RGPD2: variants seen among roughly 807,000 people sequenced by gnomAD.
RGPD2 encodes the protein RANBP2 like and GRIP domain containing 2, also known as RANBP2-like and GRIP domain-containing protein 2.
In RGPD2, 2 loss-of-function variants were observed where a neutral mutation model predicts 36.0. The ratio of observed to expected loss-of-function variants is 0.06; its 90% CI spans 0.02 to 0.17. RGPD2 has a LOEUF of 0.17. RGPD2 is among the 10% of genes least tolerant of loss of function. The pLI is 1.00. For synonymous variants in RGPD2, 19 were observed against 163.8 expected, an observed-to-expected ratio of 0.12 and a Z score of 6.75; for missense variants, 40 against 464.3, an observed-to-expected ratio of 0.09 and a Z score of 8.40.
the RGPD2 span, among the ~76,000 whole-genome samples, chr2:87,870,036 C>T: frequency 6.6e-6 from 1 of 152,234 alleles, no homozygotes; most frequent in Non-Finnish European, 1.5e-5. Flanking sequence ...TTTTCTACAT[C>T]AAAATACACT....
chr2:87,912,832 G>A, the RGPD2 span, among the ~76,000 whole-genome samples: 18 of 124,342 alleles, frequency 1.4e-4, no homozygotes, highest in African/African-American at 4.4e-4. Flanking sequence ...CCTGATTGAC[G>A]CTTCTTAGTT....
the RGPD2 span, among the ~76,000 whole-genome samples, chr2:87,861,454 C>G: frequency 2.2e-3 from 338 of 152,038 alleles, no homozygotes; most frequent in African/African-American, 7.6e-3. Context: ...TGATGAACCA[C>G]CAATTTTGTA....
the RGPD2 span, among the ~76,000 whole-genome samples, chr2:87,952,638 TA>T: frequency 6.6e-6 from 1 of 151,926 alleles, no homozygotes; most frequent in African/African-American, 2.4e-5. Flanking sequence ...ATAAATGAAT[TA>T]ATGCCAACTC....
At chr2:87,922,936 T>G in the RGPD2 span, among the ~76,000 whole-genome samples, 1 of 151,956 alleles carries the variant, frequency 6.6e-6, no homozygotes, top group East Asian at 1.9e-4. Flanking sequence ...TCTTTTTATC[T>G]TTTTTTCTTT....
At chr2:87,983,857 C>T in the RGPD2 span, among the ~76,000 whole-genome samples, 3 of 152,122 alleles carry the variant, frequency 2.0e-5, no homozygotes, top group Non-Finnish European at 4.4e-5. Flanking sequence ...AGAGCTGAGG[C>T]CAATGTGGCT....
At chr2:87,877,878 T>G in the RGPD2 span, among the ~76,000 whole-genome samples, 1 of 150,914 alleles carries the variant, frequency 6.6e-6, no homozygotes, top group Non-Finnish European at 1.5e-5. Context: ...GCTTTTAGAG[T>G]TTCTGCTGAG....
chr2:87,913,466 C>G, the RGPD2 span, among the ~76,000 whole-genome samples: 1 of 151,356 alleles, frequency 6.6e-6, no homozygotes, highest in East Asian at 1.9e-4. Context: ...ATGGGTGCAG[C>G]ACACCAACAT....
chr2:87,825,982 A>C, upstream of RGPD2: 1 of 472,976 alleles, frequency 2.1e-6, no homozygotes, highest in South Asian at 2.3e-5. Flanking sequence ...CACGCCTGTA[A>C]TCCCAACACT....
chr2:87,830,986 G>A, the RGPD2 span, among the ~76,000 whole-genome samples: 2 of 152,132 alleles, frequency 1.3e-5, no homozygotes, highest in African/African-American at 4.8e-5. Flanking sequence ...TAACATAGTT[G>A]CGTTACCACA....
the RGPD2 span, among the ~76,000 whole-genome samples, chr2:87,857,723 A>G: frequency 0.17 from 24,064 of 142,106 alleles, no homozygotes; most frequent in Non-Finnish European, 0.23. Flanking sequence ...CTGATCACAA[A>G]GTCAGGAGAT....
chr2:87,919,548 A>G, the RGPD2 span, among the ~76,000 whole-genome samples: 1 of 151,614 alleles, frequency 6.6e-6, no homozygotes, highest in South Asian at 2.1e-4. Context: ...TACGTGTTGT[A>G]TATAACTCAG....
chr2:87,966,632 T>G, the RGPD2 span, among the ~76,000 whole-genome samples: 1 of 152,252 alleles, frequency 6.6e-6, no homozygotes, highest in Non-Finnish European at 1.5e-5. Context: ...AATTAGAACT[T>G]AATGCCTAGA....
chr2:87,857,938 CAA>C, the RGPD2 span, among the ~76,000 whole-genome samples: 1 of 152,246 alleles, frequency 6.6e-6, no homozygotes, highest in African/African-American at 2.4e-5. Context: ...ATACTTCAAA[CAA>C]TATATTTCTA....
At chr2:87,845,794 T>C in the RGPD2 span, among the ~76,000 whole-genome samples, 1 of 152,242 alleles carries the variant, frequency 6.6e-6, no homozygotes, top group East Asian at 1.9e-4. Context: ...CCTTTTTTAA[T>C]ATTTTCCATT....
At chr2:87,877,557 A>T in the RGPD2 span, among the ~76,000 whole-genome samples, 1 of 152,204 alleles carries the variant, frequency 6.6e-6, no homozygotes, top group Admixed American at 6.5e-5. Context: ...TAATCCCAGC[A>T]CTTTGGGAGG....
the RGPD2 span, among the ~76,000 whole-genome samples, chr2:87,940,680 A>G: frequency 1.3e-5 from 2 of 148,502 alleles, no homozygotes; most frequent in Non-Finnish European, 3.0e-5. Flanking sequence ...GAGGAAGAAA[A>G]TGAGAAAGAA....
the RGPD2 span, among the ~76,000 whole-genome samples, chr2:87,947,403 A>G: frequency 6.6e-6 from 1 of 152,266 alleles, no homozygotes; most frequent in African/African-American, 2.4e-5. Context: ...TCCTGGGTCA[A>G]GTAGGGGCTC....
At chr2:87,978,888 G>A in the RGPD2 span, among the ~76,000 whole-genome samples, 53 of 147,814 alleles carry the variant, frequency 3.6e-4, no homozygotes, top group South Asian at 8.7e-4. Flanking sequence ...ACTGCAGTCC[G>A]GCGTAGGCAA....
intron 4 of RGPD2, among the ~76,000 whole-genome samples, chr2:87,815,054 G>A (rs1337784538): frequency 7.8e-6 from 1 of 128,292 alleles, no homozygotes. Context: ...TACAAAAGGG[G>A]CAGCATGAGG....
Sources: gnomAD v4.1 joint callset for allele counts (sites outside exome capture counted in the v4.1 genomes callset) on GRCh38, gnomAD v4.1.1 for gene constraint, MANE v1.5 for transcripts, NCBI Gene and HGNC (gene_info 2026-07-23, HGNC 2026-07-21) for gene names.